CLDN10: variants seen among roughly 807,000 people sequenced by gnomAD.
CLDN10 encodes claudin-10.
A neutral mutation model predicts 22.9 loss-of-function variants in CLDN10; 15 were observed. The observed-to-expected ratio is 0.65, with a 90% CI of 0.44 to 1.01. CLDN10 has a LOEUF of 1.01. Among genes scored for constraint, CLDN10 ranks in the 50% least tolerant of loss-of-function variants. The pLI, the probability that CLDN10 is intolerant of heterozygous loss-of-function variation, is 0.00. For missense variants in CLDN10, 247 were observed against 287.8 expected (o/e 0.86, Z 1.03); for synonymous variants, 114 against 111.4 (o/e 1.02, Z -0.15).
chr13:95,469,379 G>A (rs2042609713), intron 1 of CLDN10, among the ~76,000 whole-genome samples: 2 of 152,108 alleles, frequency 1.3e-5, no homozygotes, highest in Admixed American at 1.3e-4. Flanking sequence ...TCTATATTTA[G>A]TAGGAGCACA....
At chr13:95,471,453 A>ATATATATATATATTT (rs776857009) in intron 1 of CLDN10, among the ~76,000 whole-genome samples, 6 of 106,392 alleles carry the variant, frequency 5.6e-5, no homozygotes, top group East Asian at 5.8e-4. Context: ...ATATATATAT[A>ATATATATATATATTT]TTTTTTTTTT....
intron 3 of CLDN10, among the ~76,000 whole-genome samples, chr13:95,567,282 C>A (rs919149072): frequency 3.9e-5 from 6 of 152,144 alleles, no homozygotes; most frequent in East Asian, 1.9e-4. Flanking sequence ...TTGTTCATGT[C>A]CTCTTTTATT....
chr13:95,548,998 T>TG (rs371519609), upstream of CLDN10, among the ~76,000 whole-genome samples: 61 of 152,080 alleles, frequency 4.0e-4, no homozygotes, highest in African/African-American at 1.4e-3. Flanking sequence ...AACCCCAGGG[T>TG]GGGGGGGATC....
At chr13:95,500,043 G>T (rs530172742) in intron 1 of CLDN10, among the ~76,000 whole-genome samples, 7 of 152,212 alleles carry the variant, frequency 4.6e-5, no homozygotes, top group Admixed American at 1.3e-4. Context: ...GGTTGGACAA[G>T]CTTGCTCTAT....
At chr13:95,552,451 G>T (rs1049207435), upstream of CLDN10, among the ~76,000 whole-genome samples, 1 of 152,240 alleles carries the variant, frequency 6.6e-6, no homozygotes, top group African/African-American at 2.4e-5. Flanking sequence ...TCCAACAAGC[G>T]AGCCCTTCTC....
chr13:95,512,221 G>T (rs9561888), intron 1 of CLDN10, among the ~76,000 whole-genome samples: 23 of 94,418 alleles, frequency 2.4e-4, no homozygotes, highest in East Asian at 3.6e-4. Flanking sequence ...ACCAATGATA[G>T]ATCTAGGAAA....
At chr13:95,442,783 C>T (rs186237525) in intron 1 of CLDN10, among the ~76,000 whole-genome samples, 2 of 152,262 alleles carry the variant, frequency 1.3e-5, no homozygotes, top group East Asian at 1.9e-4. Context: ...GATGCAAACT[C>T]GAGCACATTA....
intron 1 of CLDN10, among the ~76,000 whole-genome samples, chr13:95,472,004 G>A (rs374775534): frequency 1.4e-5 from 2 of 139,896 alleles, no homozygotes; most frequent in Non-Finnish European, 3.0e-5. Flanking sequence ...GGCTGGTCTC[G>A]AACTCCTGCA....
intron 1 of CLDN10, among the ~76,000 whole-genome samples, chr13:95,483,226 C>T (rs1055969203): frequency 6.6e-6 from 1 of 152,190 alleles, no homozygotes; most frequent in African/African-American, 2.4e-5. Context: ...CATTGAACAG[C>T]TTTCTCCTCG....
intron 1 of CLDN10, among the ~76,000 whole-genome samples, chr13:95,439,885 A>T (rs536066075): frequency 1.1e-4 from 16 of 152,148 alleles, no homozygotes; most frequent in Non-Finnish European, 1.6e-4. Context: ...AATGAGGGAA[A>T]ATTAGTAAGT....
intron 1 of CLDN10, among the ~76,000 whole-genome samples, chr13:95,447,752 T>A (rs2042394732): frequency 6.6e-6 from 1 of 151,854 alleles, no homozygotes; most frequent in Admixed American, 6.6e-5. Context: ...CGTGTGTGTG[T>A]GTGTGTGTGT....
At chr13:95,567,529 G>A (rs539771428) in intron 3 of CLDN10, among the ~76,000 whole-genome samples, 5 of 152,220 alleles carry the variant, frequency 3.3e-5, no homozygotes, top group Non-Finnish European at 7.3e-5. Context: ...GGGCTAAGAC[G>A]ATGGAGTTTT....
At chr13:95,433,762 T>C in exon 1 of CLDN10, 1 of 1,515,594 alleles carries the variant, frequency 6.6e-7, no homozygotes. Context: ...GTCAAAGTGT[T>C]CTCTATCGGC....
chr13:95,471,553 A>C (rs1255944617), intron 1 of CLDN10, among the ~76,000 whole-genome samples: 1 of 150,902 alleles, frequency 6.6e-6, no homozygotes, highest in Non-Finnish European at 1.5e-5. Flanking sequence ...CCAGGGTTCA[A>C]GTGATTCTCC....
chr13:95,512,985 C>T (rs1262731293), intron 1 of CLDN10, among the ~76,000 whole-genome samples: 1 of 152,168 alleles, frequency 6.6e-6, no homozygotes, highest in Admixed American at 6.5e-5. Context: ...AAGTGATCCT[C>T]CCACCTCAGC....
At chr13:95,531,753 G>C (rs1176861945) in intron 1 of CLDN10, among the ~76,000 whole-genome samples, 1 of 150,554 alleles carries the variant, frequency 6.6e-6, no homozygotes, top group Admixed American at 6.6e-5. Flanking sequence ...ATGTTGGCCA[G>C]GCTGCTCTCG....
Position 95,532,792 on chromosome 13 carries a change from C to CAAAAAAAAAAAAAAAAAAAAAAAAA in CLDN10, c.215-27318_215-27317insAAAAAAAAAAAAAAAAAAAAAAAAA, listed in dbSNP as rs57500288. ...CTTCAGATACTGGAACTCAATTCAGCAAAAAAAAAAAAAAAAAAAAAAGAA... is the reference window on the plus strand; with the variant it reads ...CTTCAGATACTGGAACTCAATTCAGCAAAAAAAAAAAAAAAAAAAAAAAAAAAAAAAAAAAAAAAAAAAAAAAGAA... On this transcript the variant is annotated intron_variant, in intron 1 of 4. Transcript: ENST00000376873. 6.4e-5 allele frequency among the ~76,000 whole-genome samples: 4 copies of CAAAAAAAAAAAAAAAAAAAAAAAAA among 62,022 alleles called. 2 individuals carry two copies. The highest frequency in any genetic ancestry group is 1.3e-4 in the African/African-American group (2 of 15,066). The allele number at this position is 62,022 out of a possible 152,430, so 40.7% of individuals were successfully genotyped here.
At chr13:95,546,672 T>C (rs565982486) in intron 1 of CLDN10, among the ~76,000 whole-genome samples, 2 of 152,300 alleles carry the variant, frequency 1.3e-5, no homozygotes, top group African/African-American at 4.8e-5. Context: ...ACTTTGCACC[T>C]GCTGTATTGT....
chr13:95,480,216 C>T (rs528809237), intron 1 of CLDN10, among the ~76,000 whole-genome samples: 1 of 152,264 alleles, frequency 6.6e-6, no homozygotes, highest in East Asian at 1.9e-4. Flanking sequence ...TACCTCCCAC[C>T]GGGTCCCTCC....
Sources: gnomAD v4.1 joint callset for allele counts (sites outside exome capture counted in the v4.1 genomes callset) on GRCh38, gnomAD v4.1.1 for gene constraint, MANE v1.5 for transcripts, NCBI Gene and HGNC (gene_info 2026-07-23, HGNC 2026-07-21) for gene names.